Variants in ERAP2 observed in about 807,000 individuals in gnomAD.
The protein encoded by ERAP2 is leukocyte-derived arginine aminopeptidase.
In ERAP2, 118 loss-of-function variants were observed where a neutral mutation model predicts 111.1. The ratio of observed to expected loss-of-function variants is 1.06; its 90% CI spans 0.92 to 1.24. The LOEUF (loss-of-function observed/expected upper bound fraction) is 1.24, where lower values mean the gene tolerates loss of function less well. ERAP2 is among the 50% of genes most tolerant of loss of function. The pLI is 0.00. For missense variants in ERAP2, 1,131 were observed against 1,125.8 expected (o/e 1.00, Z -0.07); for synonymous variants, 410 against 401.2 (o/e 1.02, Z -0.26).
chr5:96,878,334 C>T lies in ERAP2; in HGVS notation c.-122-1230C>T, dbSNP rs1023660723. ...TACCTACCTTGACCAGCAACCTTTA[C>T]ACCAGTAGCCATAAAATGAGGCCAT... On this transcript the variant is annotated intron_variant, in intron 1 of 18. Transcript: ENST00000437043. 2.6e-5 allele frequency among the ~76,000 whole-genome samples: 4 copies of T among 152,100 alleles called. No individual in the cohort carries two copies. The East Asian group carries it at 7.7e-4, about 29-fold the overall frequency.
In ERAP2 at chr5:96,917,636, G is replaced by C. The variant is rs1787564502; in HGVS notation, c.*31G>C. On this transcript the variant is annotated 3_prime_UTR_variant, in exon 19 of 19. Transcript: ENST00000437043. ...CAATAGAAAAAGTAGGCTGGGCGCG[G>C]TGGCTCACGCCTGTAATCCCAGCAC... The C allele has an allele frequency of 6.3e-7, 1 of 1,584,620 alleles. No individual in the cohort carries two copies. Among genetic ancestry groups the C allele is most frequent in the Non-Finnish European group, 8.6e-7 (1 of 1,162,210 alleles).
chr5:96,896,616 A>G, intron 8 of ERAP2, 112 bp downstream of exon 8: 1 of 1,456,402 alleles, frequency 6.9e-7, no homozygotes, highest in Non-Finnish European at 9.2e-7. Flanking sequence ...TTCACTTTTT[A>G]TTTGTTCACT....
chr5:96,913,965 C>A (rs1001082887), intron 17 of ERAP2, among the ~76,000 whole-genome samples: 1 of 152,148 alleles, frequency 6.6e-6, no homozygotes, highest in African/African-American at 2.4e-5. Context: ...GTTTGGGGAG[C>A]CCTCCCTCCA....
intron 14 of ERAP2, 71 bp downstream of exon 14, chr5:96,909,188 T>C: frequency 1.3e-6 from 2 of 1,502,792 alleles, no homozygotes; most frequent in Non-Finnish European, 1.8e-6. Flanking sequence ...GCTCAGTTTG[T>C]TTTGTGTGAA....
chr5:96,896,658 A>T, intron 8 of ERAP2, 74 bp from the exon 9 acceptor site: 1 of 1,481,852 alleles, frequency 6.7e-7, no homozygotes, highest in Non-Finnish European at 9.0e-7. Context: ...CGTAAAATTT[A>T]AGCTTCCTTT....
At chr5:96,910,535 A>G (rs1786618334) in intron 15 of ERAP2, among the ~76,000 whole-genome samples, 1 of 152,094 alleles carries the variant, frequency 6.6e-6, no homozygotes, top group Admixed American at 6.6e-5. Flanking sequence ...GTATGAGTGA[A>G]GCTAAAATGT....
At position 96,910,911 on chromosome 5, in the gene ERAP2, A is replaced by G. The variant is rs532909095; in HGVS notation, c.2354+1147A>G. The stretch of plus-strand genomic sequence containing the variant: ...TAAGGATAAAGAGGTGAACAAAACA[A>G]CCATGTGGCCTACCTTCAAGAAGCT... On this transcript the variant is annotated intron_variant, in intron 15 of 18. Transcript: ENST00000437043. Among the ~76,000 whole-genome samples, 3 of 152,336 alleles carry G rather than the reference A, an allele frequency of 2.0e-5. No homozygotes were observed. The East Asian group carries it at 5.8e-4, about 29-fold the overall frequency.
chr5:96,898,774 A>G (rs907855439), intron 9 of ERAP2, among the ~76,000 whole-genome samples: 5 of 151,976 alleles, frequency 3.3e-5, no homozygotes, highest in Non-Finnish European at 7.4e-5. Context: ...CAAAAAACAT[A>G]TAAAGATGCT....
chr5:96,880,169 T>C lies in ERAP2; in HGVS notation c.484T>C (p.Tyr162His). The change falls in exon 2 of 19, where the codon TAC becomes CAC. Residue 162 changes from tyrosine to histidine, a missense_variant. Tyr to His is a moderately conservative substitution (Grantham distance 83). Around this residue, in one of 3 missense-constraint regions of ERAP2, gnomAD observed 847 missense variants for 856.5 expected, o/e 0.99. Coordinates refer to ENST00000437043, the MANE Select transcript of ERAP2 (RefSeq NM_022350.5). ...AGAGAAACTTACGCCTCACCTGAAATACTATGTGGCTATGGACTTCCAAGC... is the reference window on the plus strand; with the variant it reads ...AGAGAAACTTACGCCTCACCTGAAACACTATGTGGCTATGGACTTCCAAGC... ...VPEKLTPHLKYYVAMDFQAKL... is the reference protein window; with the variant it reads ...VPEKLTPHLKHYVAMDFQAKL... 1 of 1,614,108 alleles carries C rather than the reference T, an allele frequency of 6.2e-7. No individual in the cohort carries two copies. Among genetic ancestry groups the C allele is most frequent in the Non-Finnish European group, 8.5e-7 (1 of 1,179,992 alleles).
At chr5:96,883,641 C>T (rs1403756926) in intron 2 of ERAP2, 151 bp from the exon 3 acceptor site, 2 of 762,900 alleles carry the variant, frequency 2.6e-6, no homozygotes, top group Non-Finnish European at 4.1e-6. Context: ...CTTCATTTTC[C>T]TCAAAGAGAC....
At chr5:96,878,352 G>A (rs985807175) in intron 1 of ERAP2, among the ~76,000 whole-genome samples, 3 of 152,114 alleles carry the variant, frequency 2.0e-5, no homozygotes, top group African/African-American at 7.2e-5. Flanking sequence ...GCCATAAAAT[G>A]AGGCCATTCA....
In ERAP2 at chr5:96,879,558, T is replaced by G. The variant is rs1782924626; in HGVS notation, c.-122-6T>G. ...GTCATGCTATAAGTGTGTTTTTTTC[T>G]TCTAGATTAAATTCATGTATTGAAA... On this transcript the variant is annotated splice_region_variant and splice_polypyrimidine_tract_variant and intron_variant, in intron 1 of 18. Coordinates refer to ENST00000437043, the MANE Select transcript of ERAP2 (RefSeq NM_022350.5). 9.0e-6 allele frequency: 6 copies of G among 670,018 alleles called. No individual in the cohort carries two copies. The South Asian group carries it at 1.3e-4, about 14-fold the overall frequency. The allele number at this position is 670,018 out of a possible 1,614,324, so 41.5% of individuals were successfully genotyped here. A position where few individuals can be genotyped will look rare whatever the true frequency, so the allele number is the denominator to read the frequency against.
intron 10 of ERAP2, among the ~76,000 whole-genome samples, chr5:96,900,697 G>C (rs1289596314): frequency 6.6e-6 from 1 of 152,026 alleles, no homozygotes; most frequent in Non-Finnish European, 1.5e-5. Context: ...ATTTATTTTA[G>C]ACAAAGTCTC....
chr5:96,883,877 T>C lies in ERAP2; in HGVS notation c.661T>C (p.Ser221Pro). 6.2e-7 allele frequency: 1 copy of C among 1,613,776 alleles called. No homozygotes were observed. The highest frequency in any genetic ancestry group is 8.5e-7 in the Non-Finnish European group (1 of 1,179,836). The change falls in exon 3 of 19, where the codon TCA becomes CCA. Residue 221 changes from serine (S) to proline (P), a missense_variant. Physicochemically the swap from Ser to Pro is moderately conservative, Grantham distance 74. Around this residue, in one of 3 missense-constraint regions of ERAP2, gnomAD observed 847 missense variants for 856.5 expected, o/e 0.99. Coordinates refer to ENST00000437043, the MANE Select transcript of ERAP2 (RefSeq NM_022350.5). ...FDEPLFKANFSIKIRRESRHI... is the reference protein window; with the variant it reads ...FDEPLFKANFPIKIRRESRHI... Reference sequence around the variant, plus strand: ...TGAACCGTTGTTCAAAGCCAACTTTTCAATCAAGATACGAAGAGAGAGCAG... The same window carrying C: ...TGAACCGTTGTTCAAAGCCAACTTTCCAATCAAGATACGAAGAGAGAGCAG...
At chr5:96,886,919 C>A in intron 4 of ERAP2, 130 bp downstream of exon 4, 1 of 904,012 alleles carries the variant, frequency 1.1e-6, no homozygotes, top group Non-Finnish European at 1.5e-6. Flanking sequence ...AGATAAAAAA[C>A]TAAGTTAAAA....
At chr5:96,915,946 G>A in intron 18 of ERAP2, 177 bp downstream of exon 18, 1 of 479,434 alleles carries the variant, frequency 2.1e-6, no homozygotes, top group Non-Finnish European at 3.6e-6. Context: ...CACTTGGCCA[G>A]GCACAGTGGC....
intron 12 of ERAP2, 154 bp downstream of exon 12, chr5:96,902,507 T>C (rs1785586526): frequency 1.8e-6 from 1 of 544,104 alleles, no homozygotes; most frequent in Non-Finnish European, 3.2e-6. Context: ...AATAACTCTT[T>C]TAGTAAGAAA....
chr5:96,877,733 T>C (rs1050663050), intron 1 of ERAP2, among the ~76,000 whole-genome samples: 1 of 151,890 alleles, frequency 6.6e-6, no homozygotes, highest in Non-Finnish European at 1.5e-5. Context: ...GCCACTCCAT[T>C]TTTTTTAAAC....
chr5:96,915,470 G>T (rs1787276799), intron 17 of ERAP2, among the ~76,000 whole-genome samples: 1 of 124,544 alleles, frequency 8.0e-6, no homozygotes, highest in Non-Finnish European at 1.7e-5. Flanking sequence ...ATTTCCCAAA[G>T]AAGCTGTATC....
Sources: allele counts gnomAD v4.1 joint callset (sites outside exome capture counted in the v4.1 genomes callset), GRCh38; gene constraint gnomAD v4.1.1; regional missense constraint gnomAD v4.1.1; transcripts MANE v1.5; gene names NCBI Gene and HGNC (gene_info 2026-07-23, HGNC 2026-07-21).